Variants in TCF12 observed in about 807,000 individuals in gnomAD.
TCF12 encodes DNA-binding protein HTF4.
A neutral mutation model predicts 86.0 loss-of-function variants in TCF12; 45 were observed. The ratio of observed to expected loss-of-function variants is 0.52; its 90% CI spans 0.41 to 0.67. The LOEUF (loss-of-function observed/expected upper bound fraction) is 0.67. Among genes scored for constraint, TCF12 ranks in the 30% least tolerant of loss-of-function variants. The probability of loss-of-function intolerance (pLI) is 0.00; values close to 1 mark genes in which losing one functional copy is unlikely to be tolerated. For synonymous variants in TCF12, 330 were observed against 299.6 expected (o/e 1.10, Z -1.05); for missense variants, 881 against 859.9 (o/e 1.02, Z -0.31).
At chr15:56,923,281 T>G (rs901092261) in intron 3 of TCF12, among the ~76,000 whole-genome samples, 4 of 152,110 alleles carry the variant, frequency 2.6e-5, no homozygotes, top group Non-Finnish European at 5.9e-5. Context: ...GAATATATAC[T>G]ATAGCATGTG....
chr15:57,095,566 CTT>C (rs2049268098), intron 5 of TCF12, among the ~76,000 whole-genome samples: 1 of 152,108 alleles, frequency 6.6e-6, no homozygotes, highest in African/African-American at 2.4e-5. Flanking sequence ...AAATGGGAGA[CTT>C]AAGGTGTAAA....
Position 56,931,594 on chromosome 15 carries a change from T to C in TCF12, c.148+10496T>C, listed in dbSNP as rs915378344. On this transcript the variant is annotated intron_variant, in intron 3 of 20. Transcript: ENST00000333725. ...GTAGGGAACAGACAAAATCAGTCTT[T>C]GGTAAACTTTATTCTTTCCTTTTAT... 4.6e-5 allele frequency among the ~76,000 whole-genome samples: 7 copies of C among 152,200 alleles called. No individual in the cohort carries two copies. The South Asian group carries it at 6.2e-4, about 13-fold the overall frequency.
In TCF12 at chr15:57,196,677, A is replaced by T. The variant is rs2057281799; in HGVS notation, c.527-1096A>T. On this transcript the variant is annotated intron_variant, in intron 7 of 20. Coordinates refer to ENST00000333725, the MANE Select transcript of TCF12 (RefSeq NM_207037.2). The stretch of plus-strand genomic sequence containing the variant: ...AAGTAAAATTAACTCATCAAGTGAG[A>T]CTGGTTAACATATGAAATACTCATG... Among the ~76,000 whole-genome samples the T allele has an allele frequency of 2.6e-5, 4 of 152,200 alleles. No homozygotes were observed. In the South Asian group the frequency reaches 8.3e-4, roughly 32 times the overall value.
intron 3 of TCF12, among the ~76,000 whole-genome samples, chr15:56,995,909 T>C (rs923869412): frequency 2.0e-5 from 3 of 152,214 alleles, no homozygotes; most frequent in African/African-American, 2.4e-5. Context: ...CAGTATGATA[T>C]TAGCTGTGGG....
At chr15:57,224,278 G>A (rs147511072) in intron 8 of TCF12, among the ~76,000 whole-genome samples, 100 of 152,138 alleles carry the variant, frequency 6.6e-4, no homozygotes, top group Admixed American at 1.3e-3. Context: ...GATTTGTTCA[G>A]TATATTATCC....
chr15:56,935,875 A>G (rs557835061), intron 3 of TCF12, among the ~76,000 whole-genome samples: 1 of 152,316 alleles, frequency 6.6e-6, no homozygotes, highest in East Asian at 1.9e-4. Flanking sequence ...GTATATATAT[A>G]CAGTTTCTTT....
At chr15:57,153,314 A>T (rs2053894163) in intron 5 of TCF12, among the ~76,000 whole-genome samples, 1 of 152,208 alleles carries the variant, frequency 6.6e-6, no homozygotes, top group African/African-American at 2.4e-5. Flanking sequence ...TTTCTGTCAC[A>T]ACTACTCAAC....
intron 5 of TCF12, among the ~76,000 whole-genome samples, chr15:57,136,237 G>C (rs1431908880): frequency 1.3e-5 from 2 of 152,188 alleles, no homozygotes; most frequent in Non-Finnish European, 2.9e-5. Flanking sequence ...ATCTTTGCAA[G>C]TTTATTTTGA....
chr15:57,144,133 T>C (rs1283871211), intron 5 of TCF12, among the ~76,000 whole-genome samples: 2 of 152,220 alleles, frequency 1.3e-5, no homozygotes, highest in Non-Finnish European at 2.9e-5. Flanking sequence ...ATGAAGATGA[T>C]GTTCTTGTAT....
intron 3 of TCF12, among the ~76,000 whole-genome samples, chr15:57,044,534 G>T (rs1367793079): frequency 2.6e-5 from 4 of 152,122 alleles, no homozygotes; most frequent in African/African-American, 9.7e-5. Flanking sequence ...GAATCATCAT[G>T]CTCAGAGAGA....
chr15:56,941,373 AT>A (rs34543266), intron 3 of TCF12, among the ~76,000 whole-genome samples: 1,958 of 143,108 alleles, frequency 0.014, 41 homozygotes, highest in African/African-American at 0.041. Context: ...TCTCAAAAAA[AT>A]TTTTTTTTTT....
chr15:57,225,005 C>T (rs76574526), intron 8 of TCF12, among the ~76,000 whole-genome samples: 5,453 of 152,058 alleles, frequency 0.036, 290 homozygotes, highest in East Asian at 0.27. Flanking sequence ...ATACTGAAAG[C>T]ATTGAGATAT....
intron 5 of TCF12, among the ~76,000 whole-genome samples, chr15:57,128,217 A>G (rs1209774292): frequency 9.2e-5 from 14 of 152,148 alleles, no homozygotes; most frequent in Admixed American, 8.5e-4. Context: ...CCTACTGTAC[A>G]TCTATAAACA....
chr15:57,247,731 G>C (rs184338533), intron 13 of TCF12: 1 of 732,506 alleles, frequency 1.4e-6, no homozygotes, highest in Admixed American at 1.8e-5. Context: ...GCTCTCTTTG[G>C]TTCCACTACA....
At chr15:56,924,457 A>G (rs1440886006) in intron 3 of TCF12, among the ~76,000 whole-genome samples, 1 of 152,230 alleles carries the variant, frequency 6.6e-6, no homozygotes. Flanking sequence ...AGAGAAAACC[A>G]AAATTGTACC....
intron 12 of TCF12, among the ~76,000 whole-genome samples, chr15:57,242,309 A>G (rs768404083): frequency 3.9e-4 from 59 of 152,218 alleles, no homozygotes; most frequent in Non-Finnish European, 8.1e-4. Context: ...GAAAATGATT[A>G]TTATGCATAT....
Position 57,232,633 on chromosome 15 carries a change from A to G in TCF12, c.826-79A>G. The stretch of plus-strand genomic sequence containing the variant: ...CTGTAACTTGTAAATGCTCTTTTTG[A>G]CCTGTTATCATAGTTGTCCATTTTA... On this transcript the variant is annotated intron_variant, in intron 10 of 20. Transcript: ENST00000333725. 3.4e-6 allele frequency: 5 copies of G among 1,490,480 alleles called. No homozygotes were observed. The South Asian group carries it at 6.7e-5, about 20-fold the overall frequency. 92.3% of individuals were successfully genotyped at this position (1,490,480 alleles called of 1,614,324 possible). A position where few individuals can be genotyped will look rare whatever the true frequency, so the allele number is the denominator to read the frequency against.
At chr15:57,179,703 A>C (rs2733345) in intron 6 of TCF12, among the ~76,000 whole-genome samples, 11,191 of 152,172 alleles carry the variant, frequency 0.074, 1,245 homozygotes, top group African/African-American at 0.24. Context: ...ACCAGTGTAA[A>C]AGTTGGCTAG....
intron 8 of TCF12, among the ~76,000 whole-genome samples, chr15:57,226,191 TATTTC>T: frequency 6.6e-6 from 1 of 151,670 alleles, no homozygotes; most frequent in Admixed American, 6.6e-5. Context: ...CTTTTATTAA[TATTTC>T]ATTGACCTAG....
Sources: allele counts gnomAD v4.1 joint callset (sites outside exome capture counted in the v4.1 genomes callset), GRCh38; gene constraint gnomAD v4.1.1; transcripts MANE v1.5; gene names NCBI Gene and HGNC (gene_info 2026-07-23, HGNC 2026-07-21).